KCNH5: variants seen among roughly 807,000 people sequenced by gnomAD.
KCNH5 encodes the protein potassium voltage-gated channel subfamily H member 5, also known as voltage-gated delayed rectifier potassium channel KCNH5.
In KCNH5, 46 loss-of-function variants were observed where a neutral mutation model predicts 96.1. The ratio of observed to expected loss-of-function variants is 0.48; its 90% CI spans 0.38 to 0.61. KCNH5 has a LOEUF of 0.61. KCNH5 is among the 20% of genes least tolerant of loss of function. The pLI is 0.00. For synonymous variants in KCNH5, 439 were observed against 449.8 expected (o/e 0.98, Z 0.30); for missense variants, 907 against 1,225.8 (o/e 0.74, Z 3.88).
At chr14:62,790,653 C>A (rs964499146) in intron 9 of KCNH5, among the ~76,000 whole-genome samples, 12 of 149,398 alleles carry the variant, frequency 8.0e-5, no homozygotes, top group African/African-American at 3.0e-4. Flanking sequence ...CAGCCAATTT[C>A]TTTCATCAGT....
intron 10 of KCNH5, among the ~76,000 whole-genome samples, chr14:62,713,985 T>C (rs1286421507): frequency 2.0e-5 from 3 of 152,156 alleles, no homozygotes; most frequent in Non-Finnish European, 4.4e-5. Flanking sequence ...ATGTTTCCTT[T>C]TAAGAAGGGC....
At chr14:62,712,201 GTTT>G (rs34843044) in intron 10 of KCNH5, 4,833 of 154,860 alleles carry the variant, frequency 0.031, 130 homozygotes, top group South Asian at 0.083. Context: ...TTAAGAGGTA[GTTT>G]TTTTTAAAAA....
At chr14:62,717,754 C>T (rs7158179) in intron 10 of KCNH5, among the ~76,000 whole-genome samples, 4,889 of 152,176 alleles carry the variant, frequency 0.032, 140 homozygotes, top group South Asian at 0.081. Flanking sequence ...TAGATAGGTA[C>T]GTAAATCTCA....
intron 4 of KCNH5, among the ~76,000 whole-genome samples, chr14:62,998,200 T>C (rs1028433420): frequency 1.3e-5 from 2 of 152,154 alleles, no homozygotes; most frequent in African/African-American, 4.8e-5. Flanking sequence ...CTTCTGTAAG[T>C]TTTGGTAGTT....
chr14:62,778,014 G>A (rs1307357145), intron 10 of KCNH5, among the ~76,000 whole-genome samples: 2 of 152,124 alleles, frequency 1.3e-5, no homozygotes, highest in Non-Finnish European at 2.9e-5. Flanking sequence ...CATGTGATTT[G>A]AAGGAAAAAT....
At chr14:62,719,784 C>T (rs777298463) in intron 10 of KCNH5, among the ~76,000 whole-genome samples, 1 of 152,326 alleles carries the variant, frequency 6.6e-6, no homozygotes, top group Middle Eastern at 3.4e-3. Context: ...TATTAAGCTA[C>T]GTTACAGTTC....
At chr14:62,824,336 C>T (rs1460218282) in intron 8 of KCNH5, among the ~76,000 whole-genome samples, 1 of 151,852 alleles carries the variant, frequency 6.6e-6, no homozygotes. Context: ...CAGGTCAAAA[C>T]GTGGTAAAAC....
intron 8 of KCNH5, among the ~76,000 whole-genome samples, chr14:62,828,963 C>G (rs1375775320): frequency 3.9e-5 from 6 of 152,140 alleles, no homozygotes; most frequent in African/African-American, 1.4e-4. Flanking sequence ...TGGGTAAATG[C>G]TCCCACTCCA....
At chr14:62,899,638 C>T (rs547800943) in intron 7 of KCNH5, among the ~76,000 whole-genome samples, 16 of 151,432 alleles carry the variant, frequency 1.1e-4, no homozygotes, top group Non-Finnish European at 2.1e-4. Context: ...GAGACCATCC[C>T]GGCTAAAAAC....
intron 6 of KCNH5, among the ~76,000 whole-genome samples, chr14:62,970,524 G>T (rs1464761958): frequency 1.3e-5 from 2 of 152,042 alleles, no homozygotes; most frequent in African/African-American, 4.8e-5. Flanking sequence ...ACCAGACAAA[G>T]ACATTACAAG....
rs750863722 is a variant in KCNH5, at chr14:62,736,466, C to T, written c.2020-28011G>A. 4.6e-5 allele frequency among the ~76,000 whole-genome samples: 7 copies of T among 151,918 alleles called. No individual in the cohort carries two copies. In the South Asian group the frequency reaches 1.2e-3, roughly 27 times the overall value. ...TGGCTAAGGTCAGCATGACCATAAACCACAAATAACATCTCCAGACAGAAA... is the reference window on the plus strand; with the variant it reads ...TGGCTAAGGTCAGCATGACCATAAATCACAAATAACATCTCCAGACAGAAA... On this transcript the variant is annotated intron_variant, in intron 10 of 10. Coordinates refer to ENST00000322893, the MANE Select transcript of KCNH5 (RefSeq NM_139318.5).
At chr14:62,736,985 A>G (rs1399631291) in intron 10 of KCNH5, among the ~76,000 whole-genome samples, 1 of 152,090 alleles carries the variant, frequency 6.6e-6, no homozygotes. Context: ...CAGGTCCTTT[A>G]TAGTCATTAT....
Position 62,699,874 on chromosome 14 carries a change from A to G in KCNH5, c.*7634T>C, listed in dbSNP as rs534913008. The G allele has an allele frequency of 6.0e-4, 92 of 152,336 alleles. No individual in the cohort carries two copies. Among genetic ancestry groups the G allele is most frequent in the African/African-American group, 2.1e-3 (88 of 41,584 alleles). 9.4% of individuals were successfully genotyped at this position (152,336 alleles called of 1,614,324 possible). A position where few individuals can be genotyped will look rare whatever the true frequency, so the allele number is the denominator to read the frequency against. ...CTGCTTAGCATGAATCAGATTTTGA[A>G]AAAAGCCAACAAGTACTGCTTAGCA... On this transcript the variant is annotated 3_prime_UTR_variant, in exon 11 of 11. Coordinates refer to ENST00000322893, the MANE Select transcript of KCNH5 (RefSeq NM_139318.5).
chr14:63,033,302 G>A (rs1036901107), intron 1 of KCNH5, among the ~76,000 whole-genome samples: 2 of 152,178 alleles, frequency 1.3e-5, no homozygotes, highest in African/African-American at 4.8e-5. Context: ...TTTCACCCAA[G>A]GCAATCTAGC....
rs1485400973 is a variant in KCNH5 at position 62,731,476 on chromosome 14, T to C, written c.2020-23021A>G. 2.6e-5 allele frequency among the ~76,000 whole-genome samples: 4 copies of C among 152,126 alleles called. No individual in the cohort carries two copies. In the East Asian group the frequency reaches 7.7e-4, roughly 29 times the overall value. On this transcript the variant is annotated intron_variant, in intron 10 of 10. Coordinates refer to ENST00000322893, the MANE Select transcript of KCNH5 (RefSeq NM_139318.5). ...TAGTTAACTCTATGCTGCATGGATA[T>C]AGCAAACTGTTGATGGTTTACACCT...
chr14:62,857,995 C>G (rs1310691064), intron 7 of KCNH5, among the ~76,000 whole-genome samples: 2 of 151,962 alleles, frequency 1.3e-5, no homozygotes, highest in African/African-American at 2.4e-5. Context: ...CAGAAACACA[C>G]CAATCCCCAA....
rs1464364562 is a variant in KCNH5 at position 62,708,047 on chromosome 14, C to G, written c.2428G>C (p.Gly810Arg). The change falls in exon 11 of 11, where the codon GGG becomes CGG. Residue 810 changes from glycine to arginine, a missense_variant. Around this residue, in one of 6 missense-constraint regions of KCNH5, gnomAD observed 362 missense variants for 394.4 expected, o/e 0.92. Transcript: ENST00000322893. ...PIRMKNGNGK[G>R]WLRLKNNMGA... ...ATATTATTCTTGAGTCGCAGCCACCCTTTTCCATTTCCATTCTTCATTCTT... is the reference window on the plus strand; with the variant it reads ...ATATTATTCTTGAGTCGCAGCCACCGTTTTCCATTTCCATTCTTCATTCTT... 1.2e-5 allele frequency: 19 copies of G among 1,614,050 alleles called. No individual in the cohort carries two copies. Among genetic ancestry groups the G allele is most frequent in the Non-Finnish European group, 1.5e-5 (18 of 1,180,052 alleles).
intron 1 of KCNH5, among the ~76,000 whole-genome samples, chr14:63,040,398 G>C (rs1566551022): frequency 6.6e-6 from 1 of 152,058 alleles, no homozygotes; most frequent in Admixed American, 6.6e-5. Flanking sequence ...GGAATCTAAT[G>C]CAAGGGACAA....
chr14:62,795,487 A>G (rs920664934), intron 9 of KCNH5, among the ~76,000 whole-genome samples: 1 of 152,194 alleles, frequency 6.6e-6, no homozygotes, highest in Non-Finnish European at 1.5e-5. Context: ...GTTGGGAATT[A>G]TAAGTAACCT....
Sources: gnomAD v4.1 joint callset for allele counts (sites outside exome capture counted in the v4.1 genomes callset) on GRCh38, gnomAD v4.1.1 for gene constraint, gnomAD v4.1.1 regional missense constraint, MANE v1.5 for transcripts, NCBI Gene and HGNC (gene_info 2026-07-23, HGNC 2026-07-21) for gene names.